RTL4: variants seen among roughly 807,000 people sequenced by gnomAD.
RTL4 encodes the protein retrotransposon Gag like 4, also known as retrotransposon Gag-like protein 4.
RTL4 carries 4 observed loss-of-function variants against 5.3 expected under a neutral mutation model. That is an observed-to-expected ratio of 0.75 (90% CI 0.37 to 1.72). The LOEUF (loss-of-function observed/expected upper bound fraction) is 1.72, where lower values mean the gene tolerates loss of function less well. Ranked by LOEUF, RTL4 falls within the 40% of genes most tolerant of loss-of-function variation. The pLI is 0.04. For missense variants in RTL4, 260 were observed against 227.1 expected, an observed-to-expected ratio of 1.14 and a Z score of -0.93; for synonymous variants, 98 against 87.3, an observed-to-expected ratio of 1.12 and a Z score of -0.68.
At chrX:112,083,392 G>T in the RTL4 span, among the ~76,000 whole-genome samples, 1 of 112,851 alleles carries the variant, frequency 8.9e-6, no homozygotes, top group Non-Finnish European at 1.9e-5. Flanking sequence ...GGAGGAAGGG[G>T]AGTTGAACCT....
the RTL4 span, among the ~76,000 whole-genome samples, chrX:112,330,849 A>C: frequency 9.0e-6 from 1 of 110,913 alleles, no homozygotes; most frequent in African/African-American, 3.3e-5. Flanking sequence ...CAAAAATAAC[A>C]CCGCATATCT....
the RTL4 span, among the ~76,000 whole-genome samples, chrX:112,158,115 G>A: frequency 4.7e-4 from 45 of 95,392 alleles, no homozygotes; most frequent in African/African-American, 1.6e-3. Context: ...AAGGAAAATT[G>A]ACTCTCATTT....
the RTL4 span, among the ~76,000 whole-genome samples, chrX:112,335,244 A>G: frequency 0.016 from 1,820 of 111,643 alleles, 13 homozygotes; most frequent in Non-Finnish European, 0.026. Context: ...TACTGTTATC[A>G]CGGAGTTTGA....
chrX:112,099,370 A>G, the RTL4 span, among the ~76,000 whole-genome samples: 1 of 111,449 alleles, frequency 9.0e-6, no homozygotes, highest in African/African-American at 3.3e-5. Context: ...AGAATGACTA[A>G]TTTCTAACTC....
the RTL4 span, among the ~76,000 whole-genome samples, chrX:112,222,772 G>T: frequency 6.3e-4 from 70 of 111,963 alleles, no homozygotes; most frequent in Middle Eastern, 4.6e-3. Context: ...CATTCGTAAG[G>T]ATCCAGTCAA....
the RTL4 span, among the ~76,000 whole-genome samples, chrX:112,100,022 C>A: frequency 9.0e-6 from 1 of 111,631 alleles, no homozygotes; most frequent in South Asian, 3.7e-4. Flanking sequence ...GTTTCAGAGG[C>A]GATAAAATCA....
the RTL4 span, among the ~76,000 whole-genome samples, chrX:112,243,365 A>C: frequency 2.7e-5 from 3 of 110,962 alleles, no homozygotes; most frequent in Non-Finnish European, 3.8e-5. Flanking sequence ...TTATTACCTA[A>C]ATTTCAGAGC....
the RTL4 span, among the ~76,000 whole-genome samples, chrX:112,148,418 C>A: frequency 9.1e-6 from 1 of 110,488 alleles, no homozygotes; most frequent in African/African-American, 3.3e-5. Context: ...AGGGAGAACA[C>A]TGATATTTGT....
the RTL4 span, among the ~76,000 whole-genome samples, chrX:112,139,251 T>A: frequency 9.0e-6 from 1 of 111,362 alleles, no homozygotes; most frequent in Non-Finnish European, 1.9e-5. Flanking sequence ...GATCACTTGG[T>A]TAAGGTTGTG....
chrX:112,090,164 ATATATATAAGATCT>A, the RTL4 span, among the ~76,000 whole-genome samples: 1 of 110,155 alleles, frequency 9.1e-6, no homozygotes, highest in African/African-American at 3.3e-5. Context: ...AAGACCATAT[ATATATATAAGATCT>A]TATATATAAG....
At chrX:112,268,498 A>T in the RTL4 span, among the ~76,000 whole-genome samples, 1 of 111,776 alleles carries the variant, frequency 8.9e-6, no homozygotes, top group Non-Finnish European at 1.9e-5. Context: ...TTTTCAACCC[A>T]GATATCTCTT....
chrX:112,451,363 G>T (rs906496936), upstream of RTL4, among the ~76,000 whole-genome samples: 7 of 110,858 alleles, frequency 6.3e-5, no homozygotes, highest in East Asian at 2.0e-3. Flanking sequence ...GCCAGGCGAG[G>T]TGGTATGTGC....
At chrX:112,366,613 C>T in the RTL4 span, among the ~76,000 whole-genome samples, 2 of 112,141 alleles carry the variant, frequency 1.8e-5, no homozygotes, top group African/African-American at 6.5e-5. Context: ...CCTTTCCAGG[C>T]TTTCTGACAC....
chrX:112,143,124 C>T, the RTL4 span, among the ~76,000 whole-genome samples: 14 of 111,143 alleles, frequency 1.3e-4, no homozygotes, highest in Non-Finnish European at 2.6e-4. Context: ...CCACCGCACC[C>T]GGCCTGGAGA....
At chrX:112,128,307 A>T in the RTL4 span, among the ~76,000 whole-genome samples, 1 of 111,598 alleles carries the variant, frequency 9.0e-6, no homozygotes, top group East Asian at 2.8e-4. Flanking sequence ...CAAGGCCATC[A>T]ATAAGGAGAG....
At chrX:112,250,055 T>C in the RTL4 span, among the ~76,000 whole-genome samples, 2 of 109,914 alleles carry the variant, frequency 1.8e-5, no homozygotes, top group African/African-American at 6.6e-5. Flanking sequence ...GGTAGGTGGA[T>C]CATGAGGTCA....
rs368009883 is a variant in RTL4 at position 112,454,789 on chromosome X, G to A, written c.61G>A (p.Glu21Lys). ...GGTAGAGCCTTCCTTTCTTCAGGCA[G>A]AGAATCTGATTCTGCGGCTTCAAAT... The change falls in exon 1 of 1, where the codon GAG becomes AAG. Residue 21 changes from glutamate to lysine, a missense_variant. Transcript: ENST00000340433. 4 of 1,205,785 alleles carry A rather than the reference G, an allele frequency of 3.3e-6. No individual in the cohort carries two copies. In the African/African-American group the frequency reaches 7.0e-5, roughly 21 times the overall value.
the RTL4 span, among the ~76,000 whole-genome samples, chrX:112,426,046 G>A: frequency 9.0e-6 from 1 of 111,306 alleles, no homozygotes; most frequent in Non-Finnish European, 1.9e-5. Context: ...TGTCTTCTGG[G>A]AGTTTTATTG....
chrX:112,264,176 A>C, the RTL4 span, among the ~76,000 whole-genome samples: 39 of 112,009 alleles, frequency 3.5e-4, no homozygotes, highest in Non-Finnish European at 2.8e-4. Context: ...GACTGCTACT[A>C]CTACTAGTAA....
Sources: gnomAD v4.1 joint callset for allele counts (sites outside exome capture counted in the v4.1 genomes callset) on GRCh38, gnomAD v4.1.1 for gene constraint, MANE v1.5 for transcripts, NCBI Gene and HGNC (gene_info 2026-07-23, HGNC 2026-07-21) for gene names.